The following SLC35F3 variants were observed in gnomAD, a reference collection of about 807,000 sequenced individuals.
SLC35F3 encodes the protein putative thiamine transporter SLC35F3.
SLC35F3 carries 25 observed loss-of-function variants against 49.9 expected under a neutral mutation model. The ratio of observed to expected loss-of-function variants is 0.50; its 90% CI spans 0.37 to 0.70. The LOEUF (loss-of-function observed/expected upper bound fraction) is 0.70. Among genes scored for constraint, SLC35F3 ranks in the 30% least tolerant of loss-of-function variants. The probability of loss-of-function intolerance (pLI) is 0.00; values close to 1 mark genes in which losing one functional copy is unlikely to be tolerated. For missense variants in SLC35F3, 525 were observed against 639.8 expected, an observed-to-expected ratio of 0.82 and a Z score of 1.94; for synonymous variants, 275 against 265.4, an observed-to-expected ratio of 1.04 and a Z score of -0.35.
intron 2 of SLC35F3, among the ~76,000 whole-genome samples, chr1:233,982,397 A>G (rs1663200867): frequency 6.6e-6 from 1 of 151,314 alleles, no homozygotes; most frequent in Admixed American, 6.6e-5. Flanking sequence ...ATTTTTTGAC[A>G]TAGTTTTGCT....
chr1:234,055,265 CA>C (rs1664440410), intron 2 of SLC35F3, among the ~76,000 whole-genome samples: 2 of 152,282 alleles, frequency 1.3e-5, no homozygotes, highest in African/African-American at 4.8e-5. Context: ...ATAGAGTCTA[CA>C]GAGGCAGGCA....
chr1:234,249,296 T>G lies in SLC35F3; in HGVS notation c.608+17555T>G, dbSNP rs10910398. Among the ~76,000 whole-genome samples, 955 of 152,280 alleles carry G rather than the reference T, an allele frequency of 6.3e-3. 8 individuals carry two copies. Among genetic ancestry groups the G allele is most frequent in the African/African-American group, 0.022 (900 of 41,550 alleles). The stretch of plus-strand genomic sequence containing the variant: ...TCTACCCCTTTACACATATCTAGCT[T>G]CTTTCACAGGTTTTTCCTCTATCCC... On this transcript the variant is annotated intron_variant, in intron 3 of 7. Transcript: ENST00000366618.
At chr1:234,224,092 TCTCA>T (rs1405421633) in intron 2 of SLC35F3, among the ~76,000 whole-genome samples, 1 of 152,028 alleles carries the variant, frequency 6.6e-6, no homozygotes, top group Non-Finnish European at 1.5e-5. Context: ...TAAGACAGGG[TCTCA>T]CTCCTATGCC....
chr1:234,145,942 C>A (rs190307750), intron 2 of SLC35F3, among the ~76,000 whole-genome samples: 19 of 152,220 alleles, frequency 1.2e-4, no homozygotes, highest in African/African-American at 4.3e-4. Context: ...GATTATACCC[C>A]AGCTTTCTAA....
intron 3 of SLC35F3, among the ~76,000 whole-genome samples, chr1:234,267,780 G>A (rs1315835932): frequency 1.0e-4 from 15 of 149,114 alleles, no homozygotes; most frequent in African/African-American, 3.5e-4. Context: ...CTTCTCAGAT[G>A]GGGCGGCCGG....
At chr1:234,219,776 C>T (rs1329959542) in intron 2 of SLC35F3, among the ~76,000 whole-genome samples, 1 of 152,212 alleles carries the variant, frequency 6.6e-6, no homozygotes, top group East Asian at 1.9e-4. Context: ...CTTGTCACCA[C>T]ACTCCAGGTG....
chr1:234,182,454 T>G (rs1178506521), intron 2 of SLC35F3, among the ~76,000 whole-genome samples: 10 of 152,234 alleles, frequency 6.6e-5, no homozygotes, highest in Non-Finnish European at 1.5e-4. Context: ...GGAGTGCTGT[T>G]GCTTTCTTCA....
chr1:234,167,142 G>C (rs1666333381), intron 2 of SLC35F3, among the ~76,000 whole-genome samples: 1 of 152,190 alleles, frequency 6.6e-6, no homozygotes, highest in Non-Finnish European at 1.5e-5. Context: ...TCATTCTCCT[G>C]TCTTTCCGGC....
At chr1:234,089,076 A>G (rs988645949) in intron 2 of SLC35F3, among the ~76,000 whole-genome samples, 1 of 152,182 alleles carries the variant, frequency 6.6e-6, no homozygotes. Flanking sequence ...ATTCCAGGTA[A>G]TCGTTTATGC....
At position 234,081,904 on chromosome 1, in the gene SLC35F3, A is replaced by ATTTTTTTTTTTTTTTTTTTTTTTTT. The variant is rs781469880; in HGVS notation, c.284-149505_284-149481dup. On this transcript the variant is annotated intron_variant, in intron 2 of 7. Coordinates refer to ENST00000366618, the MANE Select transcript of SLC35F3 (RefSeq NM_173508.4). Reference sequence around the variant, plus strand: ...AGGCGCCTGCCACCATGCCTGGCTAATTTTTTTTTTTTTTTTTTTTTTTTT... The same window carrying ATTTTTTTTTTTTTTTTTTTTTTTTT: ...AGGCGCCTGCCACCATGCCTGGCTAATTTTTTTTTTTTTTTTTTTTTTTTTTTTTTTTTTTTTTTTTTTTTTTTTT... 1.8e-4 allele frequency among the ~76,000 whole-genome samples: 7 copies of ATTTTTTTTTTTTTTTTTTTTTTTTT among 39,232 alleles called. 1 individual carries two copies. Among genetic ancestry groups the ATTTTTTTTTTTTTTTTTTTTTTTTT allele is most frequent in the East Asian group, 1.0e-3 (1 of 976 alleles). The allele number at this position is 39,232 out of a possible 152,430, so 25.7% of individuals were successfully genotyped here.
chr1:234,246,899 T>TG (rs1274372772), intron 3 of SLC35F3, among the ~76,000 whole-genome samples: 7 of 152,100 alleles, frequency 4.6e-5, no homozygotes, highest in African/African-American at 1.7e-4. Context: ...TCAAGTCAGA[T>TG]GGTGTCGGTC....
chr1:233,968,658 T>G (rs1418367212), intron 2 of SLC35F3, among the ~76,000 whole-genome samples: 1 of 152,076 alleles, frequency 6.6e-6, no homozygotes, highest in African/African-American at 2.4e-5. Context: ...CTAACTTTTG[T>G]ATTTTTAGTA....
chr1:234,177,261 C>T lies in SLC35F3; in HGVS notation c.284-54156C>T, dbSNP rs150843694. On this transcript the variant is annotated intron_variant, in intron 2 of 7. Transcript: ENST00000366618. ...GTGAGGCCTCCCCAGCCATGTGGAA[C>T]TGTGAGTCCAATTAAACCTCTTTCT... Among the ~76,000 whole-genome samples, 750 of 152,302 alleles carry T rather than the reference C, an allele frequency of 4.9e-3. 3 individuals carry two copies. The highest frequency in any genetic ancestry group is 7.8e-3 in the Non-Finnish European group (533 of 68,018).
intron 2 of SLC35F3, among the ~76,000 whole-genome samples, chr1:233,964,962 T>G (rs371521335): frequency 6.6e-6 from 1 of 152,202 alleles, no homozygotes; most frequent in African/African-American, 2.4e-5. Context: ...AAGATTCTTA[T>G]AAGTGATGTT....
chr1:234,012,534 G>A (rs1663740000), intron 2 of SLC35F3, among the ~76,000 whole-genome samples: 1 of 152,200 alleles, frequency 6.6e-6, no homozygotes, highest in African/African-American at 2.4e-5. Context: ...TGTGCCCCTG[G>A]TTTATCGAGA....
chr1:234,134,673 A>G (rs906231110), intron 2 of SLC35F3, among the ~76,000 whole-genome samples: 10 of 152,050 alleles, frequency 6.6e-5, no homozygotes, highest in African/African-American at 2.4e-4. Context: ...ACTCAAGAAC[A>G]AGGGGATTAA....
intron 2 of SLC35F3, among the ~76,000 whole-genome samples, chr1:234,166,958 G>A (rs1243244253): frequency 6.6e-6 from 1 of 152,204 alleles, no homozygotes; most frequent in East Asian, 1.9e-4. Context: ...GATTTGAAAT[G>A]ATTTTTTGCC....
intron 2 of SLC35F3, among the ~76,000 whole-genome samples, chr1:233,955,769 T>G (rs1558188665): frequency 6.6e-6 from 1 of 151,248 alleles, no homozygotes; most frequent in African/African-American, 2.4e-5. Flanking sequence ...CGAACTGTTT[T>G]TTTTTTTTTT....
chr1:233,981,869 C>T (rs1026098539), intron 2 of SLC35F3, among the ~76,000 whole-genome samples: 89 of 152,206 alleles, frequency 5.8e-4, no homozygotes, highest in African/African-American at 4.8e-5. Context: ...CTAGTAGGTA[C>T]GTAATAATAT....
Sources: allele counts gnomAD v4.1 joint callset (sites outside exome capture counted in the v4.1 genomes callset), GRCh38; gene constraint gnomAD v4.1.1; transcripts MANE v1.5; gene names NCBI Gene and HGNC (gene_info 2026-07-23, HGNC 2026-07-21).